The following SETX variants were observed in gnomAD, a reference collection of about 807,000 sequenced individuals.
The protein encoded by SETX is senataxin.
In SETX, 90 loss-of-function variants were observed where a neutral mutation model predicts 227.2. The ratio of observed to expected loss-of-function variants is 0.40; its 90% CI spans 0.33 to 0.47. The LOEUF is 0.47. Ranked by LOEUF, SETX falls within the 20% of genes least tolerant of loss-of-function variation. The pLI is 0.91. For missense variants in SETX, 3,052 were observed against 3,181.5 expected (o/e 0.96, Z 0.98); for synonymous variants, 1,210 against 1,113.2 (o/e 1.09, Z -1.73).
intron 11 of SETX, among the ~76,000 whole-genome samples, chr9:132,306,494 G>A (rs1274668661): frequency 2.0e-5 from 3 of 152,168 alleles, no homozygotes; most frequent in Non-Finnish European, 4.4e-5. Flanking sequence ...TTGCAGGTGT[G>A]AGCCACTGTG....
chr9:132,286,409 G>A lies in SETX; in HGVS notation c.6396+14C>T. On this transcript the variant is annotated intron_variant, in intron 18 of 25. Coordinates refer to ENST00000224140, the MANE Select transcript of SETX (RefSeq NM_015046.7). ...AAAAAAAAATCAAGAAAATGCTACA[G>A]GTGAACTACTTACCTCTTTAATTTT... 2 of 1,585,910 alleles carry A rather than the reference G, an allele frequency of 1.3e-6. No homozygotes were observed. Among genetic ancestry groups the A allele is most frequent in the Non-Finnish European group, 8.6e-7 (1 of 1,161,032 alleles).
rs571924394 is a variant in SETX, at chr9:132,275,538, A to C, written c.6936-118T>G. The C allele has an allele frequency of 2.9e-5, 24 of 825,384 alleles. No individual in the cohort carries two copies. The East Asian group carries it at 6.1e-4, about 21-fold the overall frequency. 51.1% of individuals were successfully genotyped at this position (825,384 alleles called of 1,614,324 possible). ...AGTAAAGGGCAGGCAGATAGGCTTC[A>C]TCTTTTATTCAGCTAGCAGTGACTC... On this transcript the variant is annotated intron_variant, in intron 22 of 25. Transcript: ENST00000224140.
chr9:132,329,014 C>T lies in SETX; in HGVS notation c.2584G>A (p.Val862Ile). 2.5e-6 allele frequency: 4 copies of T among 1,607,010 alleles called. No individual in the cohort carries two copies. Among genetic ancestry groups the T allele is most frequent in the Non-Finnish European group, 3.4e-6 (4 of 1,177,350 alleles). Residue 862 changes from valine to isoleucine, a missense_variant, in exon 10 of 26, where the codon GTA becomes ATA. Val to Ile is a conservative substitution (Grantham distance 29). Transcript: ENST00000224140. Reference sequence around the variant, plus strand: ...TTTAATTGTTTCTCTTTTGGCAATACATTGTTTTGAGATTTTTGTTCTCCA... The same window carrying T: ...TTTAATTGTTTCTCTTTTGGCAATATATTGTTTTGAGATTTTTGTTCTCCA... The part of the protein sequence containing the change: ...KNGEQKSQNN[V>I]LPKEKQLKNE...
intron 7 of SETX, among the ~76,000 whole-genome samples, chr9:132,333,036 G>GT (rs1239753821): frequency 6.6e-6 from 1 of 151,804 alleles, no homozygotes; most frequent in Non-Finnish European, 1.5e-5. Flanking sequence ...AATTTATGCA[G>GT]TAAATGTTGG....
intron 15 of SETX, among the ~76,000 whole-genome samples, chr9:132,288,860 T>C (rs1844100852): frequency 6.6e-6 from 1 of 152,176 alleles, no homozygotes; most frequent in Admixed American, 6.6e-5. Context: ...ATAAGGCAAG[T>C]AGTTATCATT....
In SETX at chr9:132,297,968, T is replaced by C. The variant is rs2131294192; in HGVS notation, c.5781+112A>G. 4 of 911,242 alleles carry C rather than the reference T, an allele frequency of 4.4e-6. No homozygotes were observed. The Middle Eastern group carries it at 7.7e-4, about 176-fold the overall frequency. 56.4% of individuals were successfully genotyped at this position (911,242 alleles called of 1,614,324 possible). A position where few individuals can be genotyped will look rare whatever the true frequency, so the allele number is the denominator to read the frequency against. Reference sequence around the variant, plus strand: ...ACTAAAGAAAACTAACACTAAACTGTTCACCGTGAACACATTTTTGTTGTA... The same window carrying C: ...ACTAAAGAAAACTAACACTAAACTGCTCACCGTGAACACATTTTTGTTGTA... On this transcript the variant is annotated intron_variant, in intron 13 of 25. Coordinates refer to ENST00000224140, the MANE Select transcript of SETX (RefSeq NM_015046.7).
intron 16 of SETX, 63 bp from the exon 17 acceptor site, chr9:132,288,414 T>C (rs1348692512): frequency 3.5e-6 from 5 of 1,433,690 alleles, no homozygotes; most frequent in African/African-American, 2.9e-5. Context: ...CACACACATA[T>C]ACAACACAAT....
At chr9:132,336,156 T>C (rs547663892) in intron 6 of SETX, 140 bp downstream of exon 6, 41 of 711,552 alleles carry the variant, frequency 5.8e-5, no homozygotes, top group African/African-American at 1.1e-4. Context: ...GGCAGGAGAA[T>C]TGCTTGAACC....
At chr9:132,338,072 C>T (rs1323690349) in intron 5 of SETX, among the ~76,000 whole-genome samples, 1 of 150,358 alleles carries the variant, frequency 6.7e-6, no homozygotes, top group Non-Finnish European at 1.5e-5. Flanking sequence ...ATCAGACAAA[C>T]CCAAAGTGAG....
At chr9:132,293,956 G>A (rs1182616813) in intron 15 of SETX, among the ~76,000 whole-genome samples, 2 of 152,024 alleles carry the variant, frequency 1.3e-5, no homozygotes, top group Non-Finnish European at 2.9e-5. Context: ...CCTGAGAGGC[G>A]GAGCTTGCAG....
At chr9:132,268,526 GA>G (rs1842752451) in intron 25 of SETX, among the ~76,000 whole-genome samples, 1 of 152,182 alleles carries the variant, frequency 6.6e-6, no homozygotes, top group African/African-American at 2.4e-5. Context: ...TTTTGTGAGA[GA>G]GGTGTAGATC....
At chr9:132,321,442 G>T (rs375103071) in intron 10 of SETX, among the ~76,000 whole-genome samples, 1 of 152,072 alleles carries the variant, frequency 6.6e-6, no homozygotes, top group Admixed American at 6.6e-5. Context: ...GGATCAAGAT[G>T]TCAGGAGATC....
In SETX at chr9:132,343,330, C is replaced by A. The variant is rs193101251; in HGVS notation, c.389-531G>T. ...GCAAAACTCCATCTCAAAACAACAA[C>A]AAAAAAAAGAATGTAGCTCTTTATT... is the stretch of plus-strand genomic sequence containing the variant. On this transcript the variant is annotated intron_variant, in intron 4 of 25. Transcript: ENST00000224140. Among the ~76,000 whole-genome samples the A allele has an allele frequency of 6.7e-3, 1,012 of 151,496 alleles. 13 individuals are homozygous for A. The highest frequency in any genetic ancestry group is 0.023 in the African/African-American group (944 of 41,296).
chr9:132,334,252 C>T (rs1376263165), intron 7 of SETX, among the ~76,000 whole-genome samples: 1 of 152,156 alleles, frequency 6.6e-6, no homozygotes, highest in Non-Finnish European at 1.5e-5. Context: ...TCAAGACCAG[C>T]CTGACCAACG....
In SETX at chr9:132,327,798, G is replaced by T; in HGVS notation, c.3800C>A (p.Ala1267Asp). ...SNYLSCRTTP[A>D]IVPPKKFRQC... ...ACGAAATTTCTTTGGCGGCACTATA[G>T]CAGGAGTTGTTCTACAACTTAGGTA... is the stretch of plus-strand genomic sequence containing the variant. The change falls in exon 10 of 26, where the codon GCT becomes GAT. Residue 1267 changes from alanine to aspartate, a missense_variant. By Grantham distance (126) the Ala-to-Asp change is moderately radical. This residue lies in a region of SETX where 1,483 missense variants were observed against 1,312.0 expected (regional missense o/e 1.13). Transcript: ENST00000224140. 1.2e-6 allele frequency: 2 copies of T among 1,614,158 alleles called. No homozygotes were observed. The highest frequency in any genetic ancestry group is 4.5e-5 in the East Asian group (2 of 44,882).
Position 132,328,113 on chromosome 9 carries a change from C to T in SETX, c.3485G>A (p.Arg1162Lys). ...FCEIEVKKPK[R>K]KRSEKPMAED... is the part of the protein sequence containing the mutation. Reference sequence around the variant, plus strand: ...AGCCATTGGTTTTTCAGATCGTTTTCTCTTAGGCTTTTTTACTTCAATTTC... The same window carrying T: ...AGCCATTGGTTTTTCAGATCGTTTTTTCTTAGGCTTTTTTACTTCAATTTC... Residue 1162 changes from arginine (R) to lysine (K), a missense_variant, in exon 10 of 26, where the codon AGA (arginine) becomes AAA (lysine). This residue lies in a region of SETX where 1,483 missense variants were observed against 1,312.0 expected (regional missense o/e 1.13). Transcript: ENST00000224140. 2 of 1,614,022 alleles carry T rather than the reference C, an allele frequency of 1.2e-6. No homozygotes were observed. The highest frequency in any genetic ancestry group is 1.7e-6 in the Non-Finnish European group (2 of 1,179,988).
intron 15 of SETX, among the ~76,000 whole-genome samples, chr9:132,292,415 C>CAAAAAAAAAAAAAAA (rs60253119): frequency 3.3e-5 from 2 of 61,092 alleles, no homozygotes; most frequent in African/African-American, 4.6e-5. Flanking sequence ...AGCTGGGGTA[C>CAAAAAAAAAAAAAAA]AAAAAAAAAA....
chr9:132,269,928 G>T (rs1489535141), intron 24 of SETX, among the ~76,000 whole-genome samples: 1 of 112,600 alleles, frequency 8.9e-6, no homozygotes, highest in Non-Finnish European at 1.7e-5. Flanking sequence ...TGAGACACAG[G>T]TGGACTCTAG....
chr9:132,327,384 A>G lies in SETX; in HGVS notation c.4214T>C (p.Leu1405Pro). The G allele has an allele frequency of 6.2e-7, 1 of 1,614,242 alleles. No homozygotes were observed. Among genetic ancestry groups the G allele is most frequent in the Non-Finnish European group, 8.5e-7 (1 of 1,180,034 alleles). The change falls in exon 10 of 26, where the codon CTT becomes CCT. Residue 1405 changes from leucine to proline, a missense_variant. Coordinates refer to ENST00000224140, the MANE Select transcript of SETX (RefSeq NM_015046.7). ...TAACTGTTTTCTGTTACTGTTGGCA[A>G]GTACCTCAGTTCCTCCTGTACAATT... ...DYNCTGGTEV[L>P]ANSNRKQLIK...
Sources: allele counts gnomAD v4.1 joint callset (sites outside exome capture counted in the v4.1 genomes callset), GRCh38; gene constraint gnomAD v4.1.1; regional missense constraint gnomAD v4.1.1; transcripts MANE v1.5; gene names NCBI Gene and HGNC (gene_info 2026-07-23, HGNC 2026-07-21).